HACD1: variants seen among roughly 807,000 people sequenced by gnomAD.
HACD1 encodes very-long-chain (3R)-3-hydroxyacyl-CoA dehydratase 1.
A neutral mutation model predicts 32.0 loss-of-function variants in HACD1; 41 were observed. The observed-to-expected ratio is 1.28, with a 90% CI of 1.00 to 1.66. The LOEUF is 1.66. Ranked by LOEUF, HACD1 falls within the 40% of genes most tolerant of loss-of-function variation. The pLI, the probability that HACD1 is intolerant of heterozygous loss-of-function variation, is 0.00. For missense variants in HACD1, 396 were observed against 380.1 expected (o/e 1.04, Z -0.35); for synonymous variants, 142 against 139.0 (o/e 1.02, Z -0.15).
rs1834159647 is a variant in HACD1, at chr10:17,607,151, T to C, written c.258-3104A>G. Among the ~76,000 whole-genome samples the C allele has an allele frequency of 2.0e-5, 3 of 152,222 alleles. No individual in the cohort carries two copies. The South Asian group carries it at 6.2e-4, about 32-fold the overall frequency. Reference sequence around the variant, plus strand: ...ATAGTAGCATGCTATCCAAAAAGTTTGAAGGCCACTCTTTTAGATGAGATA... The same window carrying C: ...ATAGTAGCATGCTATCCAAAAAGTTCGAAGGCCACTCTTTTAGATGAGATA... On this transcript the variant is annotated intron_variant, in intron 1 of 6. Transcript: ENST00000361271.
chr10:17,601,978 G>A lies in HACD1; in HGVS notation c.483+1582C>T, dbSNP rs190904004. Among the ~76,000 whole-genome samples the A allele has an allele frequency of 6.6e-4, 101 of 152,108 alleles. 1 individual carries two copies. Among genetic ancestry groups the A allele is most frequent in the African/African-American group, 2.4e-3 (98 of 41,494 alleles). On this transcript the variant is annotated intron_variant, in intron 4 of 6. Coordinates refer to ENST00000361271, the MANE Select transcript of HACD1 (RefSeq NM_014241.4). ...AAAGGCATGTGAGAAATGGAAAGGA[G>A]GCCAGAGATCTGTCCTCGAGTAGAC...
At chr10:17,593,547 T>C (rs1046657114) in intron 6 of HACD1, among the ~76,000 whole-genome samples, 7 of 152,216 alleles carry the variant, frequency 4.6e-5, no homozygotes, top group Non-Finnish European at 8.8e-5. Flanking sequence ...ACTCCTGACC[T>C]CAGGTGATCC....
chr10:17,604,099 T>A lies in HACD1; in HGVS notation c.258-52A>T, dbSNP rs372492971. ...TTCTTTCGAACTTAATACCACTGATTTATACATTTGTGTTTACAGCAGCGT... is the reference window on the plus strand; with the variant it reads ...TTCTTTCGAACTTAATACCACTGATATATACATTTGTGTTTACAGCAGCGT... On this transcript the variant is annotated intron_variant, in intron 1 of 6. Transcript: ENST00000361271. 28 of 1,268,610 alleles carry A rather than the reference T, an allele frequency of 2.2e-5. No homozygotes were observed. The African/African-American group carries it at 3.8e-4, about 17-fold the overall frequency. The allele number at this position is 1,268,610 out of a possible 1,614,324, so 78.6% of individuals were successfully genotyped here.
At chr10:17,604,102 T>C (rs1834110424) in intron 1 of HACD1, 55 bp from the exon 2 acceptor site, 15 of 1,244,022 alleles carry the variant, frequency 1.2e-5, no homozygotes, top group Admixed American at 4.7e-5. Context: ...CACTGATTTA[T>C]ACATTTGTGT....
intron 1 of HACD1, among the ~76,000 whole-genome samples, chr10:17,614,811 G>A (rs1240887213): frequency 6.6e-6 from 1 of 152,090 alleles, no homozygotes; most frequent in African/African-American, 2.4e-5. Context: ...GGAGTGCAGT[G>A]GCGCGATCTC....
chr10:17,607,075 A>G (rs1834158646), intron 1 of HACD1, among the ~76,000 whole-genome samples: 1 of 152,148 alleles, frequency 6.6e-6, no homozygotes, highest in East Asian at 1.9e-4. Context: ...TTTACATTAT[A>G]AATATATTTT....
chr10:17,590,474 A>C lies in HACD1; in HGVS notation c.785-28T>G, dbSNP rs1183291436. 2.0e-6 allele frequency: 3 copies of C among 1,494,386 alleles called. No individual in the cohort carries two copies. In the Admixed American group the frequency reaches 5.8e-5, roughly 29 times the overall value. 92.6% of individuals were successfully genotyped at this position (1,494,386 alleles called of 1,614,324 possible). ...TCATTGAAAAAGAAAACAAAGAAAA[A>C]CAAGCTATTGCTTTAAAATTATTTA... On this transcript the variant is annotated intron_variant, in intron 6 of 6. Coordinates refer to ENST00000361271, the MANE Select transcript of HACD1 (RefSeq NM_014241.4).
At chr10:17,615,898 C>CT in intron 1 of HACD1, 1 of 418,464 alleles carries the variant, frequency 2.4e-6, no homozygotes, top group Non-Finnish European at 4.9e-6. Flanking sequence ...ACTCCGGAGG[C>CT]TGAGGTTGGC....
chr10:17,616,991 G>A lies in HACD1; in HGVS notation c.257+92C>T. The A allele has an allele frequency of 3.3e-6, 4 of 1,206,570 alleles. No homozygotes were observed. The East Asian group carries it at 1.4e-4, about 42-fold the overall frequency. The allele number at this position is 1,206,570 out of a possible 1,614,324, so 74.7% of individuals were successfully genotyped here. A position where few individuals can be genotyped will look rare whatever the true frequency, so the allele number is the denominator to read the frequency against. On this transcript the variant is annotated intron_variant, in intron 1 of 6. Coordinates refer to ENST00000361271, the MANE Select transcript of HACD1 (RefSeq NM_014241.4). ...CACGGCCGCTGCCCGCACCCCCCGC[G>A]CCCCTTACACCCCGGCCCGCGCCCC...
chr10:17,611,166 AATTTTTTGT>A (rs1834230164), intron 1 of HACD1, among the ~76,000 whole-genome samples: 1 of 151,918 alleles, frequency 6.6e-6, no homozygotes, highest in Non-Finnish European at 1.5e-5. Flanking sequence ...ACACCCAGCT[AATTTTTTGT>A]ATTTTTAGTA....
chr10:17,603,855 A>C, intron 2 of HACD1, 75 bp downstream of exon 2: 1 of 1,483,700 alleles, frequency 6.7e-7, no homozygotes, highest in Non-Finnish European at 9.4e-7. Context: ...CAGCAAAATC[A>C]TATTGATTTT....
chr10:17,594,521 T>A, intron 5 of HACD1, 138 bp from the exon 6 acceptor site: 1 of 609,786 alleles, frequency 1.6e-6, no homozygotes, highest in Non-Finnish European at 2.5e-6. Context: ...TACGTAAGGT[T>A]AATAGTTCTA....
intron 1 of HACD1, among the ~76,000 whole-genome samples, chr10:17,611,293 G>A (rs1352358484): frequency 2.6e-5 from 4 of 152,120 alleles, no homozygotes; most frequent in African/African-American, 9.7e-5. Flanking sequence ...CACCGCGCCC[G>A]GCCCAAGCCC....
chr10:17,595,933 C>G (rs1299195491), intron 5 of HACD1, among the ~76,000 whole-genome samples: 1 of 151,962 alleles, frequency 6.6e-6, no homozygotes, highest in Non-Finnish European at 1.5e-5. Context: ...GGGCAGTGAG[C>G]CAAGACCGCA....
intron 1 of HACD1, among the ~76,000 whole-genome samples, chr10:17,610,283 C>A (rs967765612): frequency 1.3e-5 from 2 of 152,170 alleles, no homozygotes; most frequent in Non-Finnish European, 2.9e-5. Context: ...GGGAAATGAA[C>A]CTTGGGTTTC....
Position 17,590,394 on chromosome 10 carries a change from A to C in HACD1, c.837T>G (p.His279Gln), listed in dbSNP as rs541937721. ...HMLRQRRKVL[H>Q]GEVIVEKDD is the part of the protein sequence containing the mutation. ...CATCCTTTTCTACAATCACCTCTCC[A>C]TGAAGCACCTTTCTTCTTTGACGTA... The change falls in exon 7 of 7, where the codon CAT (histidine) becomes CAG (glutamine). Residue 279 changes from histidine (H) to glutamine (Q), a missense_variant. Transcript: ENST00000361271. The C allele has an allele frequency of 6.2e-7, 1 of 1,604,784 alleles. No individual in the cohort carries two copies. Among genetic ancestry groups the C allele is most frequent in the South Asian group, 1.1e-5 (1 of 90,142 alleles).
chr10:17,594,384 C>G lies in HACD1; in HGVS notation c.606-1G>C. The G allele has an allele frequency of 6.9e-7, 1 of 1,458,762 alleles. No homozygotes were observed. Among genetic ancestry groups the G allele is most frequent in the Non-Finnish European group, 9.1e-7 (1 of 1,097,792 alleles). The allele number at this position is 1,458,762 out of a possible 1,614,324, so 90.4% of individuals were successfully genotyped here. Reference sequence around the variant, plus strand: ...ATATAAGATGATAAAAAAATTATATCTGGAGAAAGAAAAACCTCAGAGAAT... The same window carrying G: ...ATATAAGATGATAAAAAAATTATATGTGGAGAAAGAAAAACCTCAGAGAAT... On this transcript the variant is annotated splice_acceptor_variant, in intron 5 of 6. Coordinates refer to ENST00000361271, the MANE Select transcript of HACD1 (RefSeq NM_014241.4). LOFTEE classifies it high-confidence loss of function.
At chr10:17,599,140 A>G in intron 5 of HACD1, 150 bp downstream of exon 5, 1 of 1,288,572 alleles carries the variant, frequency 7.8e-7, no homozygotes, top group Non-Finnish European at 1.0e-6. Context: ...ACAAATCATA[A>G]CTTGTATAAT....
At chr10:17,594,146 TC>T in intron 6 of HACD1, 58 bp downstream of exon 6, 1 of 1,252,602 alleles carries the variant, frequency 8.0e-7, no homozygotes, top group South Asian at 2.8e-5. Context: ...TATTATTATA[TC>T]CTTTCAAAAA....
Sources: gnomAD v4.1 joint callset for allele counts (sites outside exome capture counted in the v4.1 genomes callset) on GRCh38, gnomAD v4.1.1 for gene constraint, MANE v1.5 for transcripts, NCBI Gene and HGNC (gene_info 2026-07-23, HGNC 2026-07-21) for gene names.